The following SETD2 variants were observed in gnomAD, a reference collection of about 807,000 sequenced individuals.
SETD2 encodes SET domain containing 2, histone lysine methyltransferase.
In SETD2, 31 loss-of-function variants were observed where a neutral mutation model predicts 242.1. The observed-to-expected ratio is 0.13, with a 90% CI of 0.10 to 0.17. SETD2 has a LOEUF of 0.17. SETD2 is among the 10% of genes least tolerant of loss of function. The probability of loss-of-function intolerance (pLI) is 1.00; values close to 1 mark genes in which losing one functional copy is unlikely to be tolerated. For missense variants in SETD2, 2,481 were observed against 3,046.3 expected (o/e 0.81, Z 4.37); for synonymous variants, 1,006 against 1,066.5 (o/e 0.94, Z 1.11).
At position 47,121,476 on chromosome 3, in the gene SETD2, T is replaced by C. The variant is rs772890749; in HGVS notation, c.3160A>G (p.Thr1054Ala). The change falls in exon 3 of 21, where the codon ACA becomes GCA. Residue 1054 changes from threonine (T) to alanine (A), a missense_variant. Around this residue, in one of 17 missense-constraint regions of SETD2, gnomAD observed 1,300 missense variants for 1,259.2 expected, o/e 1.03. Transcript: ENST00000409792. Reference sequence around the variant, plus strand: ...GGAATACTGCTATCATCCGAATCTGTATCTTCTGAATCACTTTCATCATTT... The same window carrying C: ...GGAATACTGCTATCATCCGAATCTGCATCTTCTGAATCACTTTCATCATTT... ...SSNDESDSED[T>A]DSDDSSIPRN... The C allele has an allele frequency of 8.1e-6, 13 of 1,613,692 alleles. No homozygotes were observed. The highest frequency in any genetic ancestry group is 1.3e-5 in the African/African-American group (1 of 74,938).
chr3:47,056,979 T>G lies in SETD2; in HGVS notation c.6805A>C (p.Asn2269His), dbSNP rs1269196065. Reference sequence around the variant, plus strand: ...TGGTTTGAATCCCAAACACTATAATTCTGTCCCTGAACTGGGCCGGGGGCC... The same window carrying G: ...TGGTTTGAATCCCAAACACTATAATGCTGTCCCTGAACTGGGCCGGGGGCC... ...VPAPGPVQGQ[N>H]YSVWDSNQQS... Residue 2269 changes from asparagine to histidine, a missense_variant, in exon 15 of 21, where the codon AAT becomes CAT. Physicochemically the swap from Asn to His is moderately conservative, Grantham distance 68. Around this residue, in one of 17 missense-constraint regions of SETD2, gnomAD observed 235 missense variants for 293.9 expected, o/e 0.80. Transcript: ENST00000409792. 6.2e-7 allele frequency: 1 copy of G among 1,614,242 alleles called. No individual in the cohort carries two copies. The highest frequency in any genetic ancestry group is 2.2e-5 in the East Asian group (1 of 44,892).
At chr3:47,129,647 A>T (rs933603174) in intron 1 of SETD2, among the ~76,000 whole-genome samples, 2 of 152,216 alleles carry the variant, frequency 1.3e-5, no homozygotes, top group African/African-American at 4.8e-5. Context: ...GCACTTTGGG[A>T]GGTCAAGGCG....
chr3:47,132,395 G>C (rs1400290019), intron 1 of SETD2, among the ~76,000 whole-genome samples: 1 of 152,134 alleles, frequency 6.6e-6, no homozygotes. Context: ...GCTGAGGCAG[G>C]AGGATCCCTT....
chr3:47,050,723 C>CCTTTTTTTTTTTTT (rs1483439791), intron 15 of SETD2, among the ~76,000 whole-genome samples: 2 of 66,878 alleles, frequency 3.0e-5, no homozygotes, highest in Non-Finnish European at 5.2e-5. Flanking sequence ...TTTCCTCTCT[C>CCTTTTTTTTTTTTT]TTTTTTTTTT....
At chr3:47,046,396 AT>A in intron 16 of SETD2, 90 bp downstream of exon 16, 1 of 1,241,106 alleles carries the variant, frequency 8.1e-7, no homozygotes, top group South Asian at 2.2e-5. Context: ...AAACCCAAAA[AT>A]AAAACCCAAA....
intron 9 of SETD2, among the ~76,000 whole-genome samples, chr3:47,093,016 G>T (rs2041866301): frequency 6.6e-6 from 1 of 152,044 alleles, no homozygotes; most frequent in African/African-American, 2.4e-5. Flanking sequence ...AGTGATGGAA[G>T]CTAACTTTAT....
chr3:47,133,916 A>G (rs2043536677), intron 1 of SETD2, among the ~76,000 whole-genome samples: 1 of 152,186 alleles, frequency 6.6e-6, no homozygotes, highest in Admixed American at 6.5e-5. Flanking sequence ...AGACAGGAAA[A>G]CTGATAACAA....
intron 1 of SETD2, among the ~76,000 whole-genome samples, chr3:47,149,222 C>G (rs2106818469): frequency 6.6e-6 from 1 of 152,298 alleles, no homozygotes; most frequent in East Asian, 1.9e-4. Flanking sequence ...TTTGGACAAA[C>G]TGGTAAATGA....
intron 1 of SETD2, among the ~76,000 whole-genome samples, chr3:47,135,173 C>T (rs1163502169): frequency 6.6e-6 from 1 of 152,152 alleles, no homozygotes; most frequent in East Asian, 1.9e-4. Flanking sequence ...AGTAGAAAAG[C>T]CAGTAAGGTG....
At chr3:47,100,067 G>A (rs1212505779) in intron 8 of SETD2, among the ~76,000 whole-genome samples, 21 of 150,024 alleles carry the variant, frequency 1.4e-4, no homozygotes, top group African/African-American at 3.2e-4. Flanking sequence ...CTCAGCCTCC[G>A]GAGTAGCTAG....
At chr3:47,020,819 T>A (rs1333297461) in intron 18 of SETD2, among the ~76,000 whole-genome samples, 1 of 152,194 alleles carries the variant, frequency 6.6e-6, no homozygotes, top group African/African-American at 2.4e-5. Context: ...CATCTCCTGG[T>A]TCTGCTTCTT....
At chr3:47,086,743 A>G (rs1388383298) in intron 10 of SETD2, among the ~76,000 whole-genome samples, 2 of 150,384 alleles carry the variant, frequency 1.3e-5, no homozygotes, top group African/African-American at 2.4e-5. Context: ...TTTTTTAATC[A>G]TCATGGTTTT....
At chr3:47,101,177 A>G (rs974064322) in intron 8 of SETD2, among the ~76,000 whole-genome samples, 3 of 152,140 alleles carry the variant, frequency 2.0e-5, no homozygotes, top group Admixed American at 1.3e-4. Context: ...ACACAAAAAG[A>G]GTTGGCATGT....
At chr3:47,117,825 G>A (rs2042924956) in intron 3 of SETD2, among the ~76,000 whole-genome samples, 1 of 152,212 alleles carries the variant, frequency 6.6e-6, no homozygotes, top group African/African-American at 2.4e-5. Flanking sequence ...AAGCAAAAGT[G>A]AAAATGTGAT....
In SETD2 at chr3:47,120,545, T is replaced by C. The variant is rs1559741577; in HGVS notation, c.4091A>G (p.Lys1364Arg). The change falls in exon 3 of 21, where the codon AAG becomes AGG. Residue 1364 changes from lysine (K) to arginine (R), a missense_variant. Lys to Arg is a conservative substitution (Grantham distance 26, BLOSUM62 2). Around this residue, in one of 17 missense-constraint regions of SETD2, gnomAD observed 1,300 missense variants for 1,259.2 expected, o/e 1.03. Transcript: ENST00000409792. ...DKFLLSLQKD[K>R]GSVQAPEISS... ...TATTTCAGGTGCTTGCACTGACCCC[T>C]TGTCTTTCTGAAGGGATAGAAGAAA... 1 of 1,614,080 alleles carries C rather than the reference T, an allele frequency of 6.2e-7. No homozygotes were observed. Among genetic ancestry groups the C allele is most frequent in the Non-Finnish European group, 8.5e-7 (1 of 1,180,022 alleles).
intron 5 of SETD2, among the ~76,000 whole-genome samples, chr3:47,109,540 G>A (rs1451785160): frequency 2.0e-5 from 3 of 152,012 alleles, no homozygotes; most frequent in Non-Finnish European, 4.4e-5. Flanking sequence ...CCCAGCTACT[G>A]AGGAGGCTAA....
At chr3:47,068,674 T>C (rs1052343348) in intron 12 of SETD2, among the ~76,000 whole-genome samples, 1 of 152,104 alleles carries the variant, frequency 6.6e-6, no homozygotes, top group Non-Finnish European at 1.5e-5. Context: ...TTTTTGTATT[T>C]TTAGTAAAGA....
At chr3:47,081,177 C>A in intron 12 of SETD2, 2 of 687,848 alleles carry the variant, frequency 2.9e-6, no homozygotes, top group Non-Finnish European at 3.6e-6. Context: ...TCCCTCCCAC[C>A]CTCTTTCATT....
chr3:47,099,276 G>A (rs558254041), intron 8 of SETD2, among the ~76,000 whole-genome samples: 16 of 152,260 alleles, frequency 1.1e-4, no homozygotes, highest in African/African-American at 3.1e-4. Context: ...CTGCAGCTGT[G>A]TGCTTTTCTA....
Sources: allele counts gnomAD v4.1 joint callset (sites outside exome capture counted in the v4.1 genomes callset), GRCh38; gene constraint gnomAD v4.1.1; regional missense constraint gnomAD v4.1.1; transcripts MANE v1.5; gene names NCBI Gene and HGNC (gene_info 2026-07-23, HGNC 2026-07-21).